MACROD2: variants seen among roughly 807,000 people sequenced by gnomAD.
The protein encoded by MACROD2 is ADP-ribose glycohydrolase MACROD2.
MACROD2 carries 36 observed loss-of-function variants against 70.4 expected under a neutral mutation model. That is an observed-to-expected ratio of 0.51 (90% CI 0.39 to 0.68). The LOEUF (loss-of-function observed/expected upper bound fraction) is 0.68, where lower values mean the gene tolerates loss of function less well. Ranked by LOEUF, MACROD2 falls within the 30% of genes least tolerant of loss-of-function variation. MACROD2 has a pLI of 0.00. For missense variants in MACROD2, 496 were observed against 538.4 expected, an observed-to-expected ratio of 0.92 and a Z score of 0.78; for synonymous variants, 172 against 178.8, an observed-to-expected ratio of 0.96 and a Z score of 0.30.
chr20:14,596,065 A>G (rs1421766316), intron 4 of MACROD2, among the ~76,000 whole-genome samples: 1 of 151,892 alleles, frequency 6.6e-6, no homozygotes, highest in Non-Finnish European at 1.5e-5. Context: ...ACATACACCC[A>G]CACACATTTA....
At chr20:15,117,612 G>A (rs1217117558) in intron 5 of MACROD2, among the ~76,000 whole-genome samples, 2 of 152,156 alleles carry the variant, frequency 1.3e-5, no homozygotes, top group Admixed American at 6.5e-5. Context: ...AGATTTGATT[G>A]AGTCTTGAGC....
intron 9 of MACROD2, 152 bp from the exon 10 acceptor site, chr20:15,885,612 A>G: frequency 1.6e-6 from 1 of 626,132 alleles, no homozygotes; most frequent in South Asian, 3.7e-5. Flanking sequence ...TAGCATGATA[A>G]TAATAAGACA....
intron 5 of MACROD2, among the ~76,000 whole-genome samples, chr20:14,942,586 C>T (rs982006843): frequency 2.5e-4 from 38 of 152,274 alleles, no homozygotes; most frequent in African/African-American, 8.2e-4. Context: ...CGTAACAAAT[C>T]AAGTGGCTGC....
In MACROD2 at chr20:14,686,726, C is replaced by T. The variant is rs191849718; in HGVS notation, c.418+1767C>T. On this transcript the variant is annotated intron_variant, in intron 5 of 17. Transcript: ENST00000684519. ...GTAAGTATACCCTATGATTACATAA[C>T]GATGAAATCACCTAAGGAGTCACTT... 5.4e-4 allele frequency among the ~76,000 whole-genome samples: 82 copies of T among 152,176 alleles called. No individual in the cohort carries two copies. The Middle Eastern group carries it at 0.01, about 19-fold the overall frequency.
intron 3 of MACROD2, among the ~76,000 whole-genome samples, chr20:14,385,681 A>G (rs765306573): frequency 2.0e-4 from 31 of 152,180 alleles, no homozygotes; most frequent in Admixed American, 5.2e-4. Context: ...TTTCTTTTCC[A>G]TGTTGACCTC....
At chr20:15,252,580 C>A (rs2077165332) in intron 6 of MACROD2, among the ~76,000 whole-genome samples, 1 of 152,182 alleles carries the variant, frequency 6.6e-6, no homozygotes, top group Non-Finnish European at 1.5e-5. Flanking sequence ...GCCATACCTA[C>A]ATTGAACAGG....
intron 4 of MACROD2, among the ~76,000 whole-genome samples, chr20:14,681,636 G>A (rs1600533431): frequency 1.3e-5 from 2 of 152,126 alleles, no homozygotes; most frequent in South Asian, 4.1e-4. Context: ...TGGGTTCAGG[G>A]AAAGGTTTTG....
At chr20:14,490,307 A>G (rs890771456) in intron 3 of MACROD2, among the ~76,000 whole-genome samples, 2 of 152,224 alleles carry the variant, frequency 1.3e-5, no homozygotes, top group African/African-American at 2.4e-5. Context: ...ACACTATCAA[A>G]TTAGCTTCAG....
chr20:14,082,808 G>A (rs144253726), intron 2 of MACROD2, among the ~76,000 whole-genome samples: 15 of 152,110 alleles, frequency 9.9e-5, no homozygotes, highest in East Asian at 1.9e-4. Flanking sequence ...ATATCCATTT[G>A]TCTCTGACAA....
intron 6 of MACROD2, among the ~76,000 whole-genome samples, chr20:15,239,652 C>T (rs2077043518): frequency 6.6e-6 from 1 of 152,238 alleles, no homozygotes; most frequent in East Asian, 1.9e-4. Flanking sequence ...TTTCCCTGCT[C>T]CCAGTATACT....
chr20:14,126,439 A>G (rs1382226269), intron 3 of MACROD2, among the ~76,000 whole-genome samples: 1 of 152,202 alleles, frequency 6.6e-6, no homozygotes. Context: ...GATTCAACAT[A>G]TGAATTTTGG....
At chr20:15,222,470 A>T (rs2076870570) in intron 5 of MACROD2, among the ~76,000 whole-genome samples, 1 of 152,334 alleles carries the variant, frequency 6.6e-6, no homozygotes, top group South Asian at 2.1e-4. Flanking sequence ...GGTGGTGCTT[A>T]TATAAATTGG....
chr20:14,983,565 CT>C (rs1568911971), intron 5 of MACROD2, among the ~76,000 whole-genome samples: 1 of 152,070 alleles, frequency 6.6e-6, no homozygotes, highest in Non-Finnish European at 1.5e-5. Context: ...GATCTGATGG[CT>C]TTAAAAATGG....
intron 5 of MACROD2, among the ~76,000 whole-genome samples, chr20:14,939,160 C>T (rs2074369014): frequency 1.3e-5 from 2 of 151,834 alleles, no homozygotes; most frequent in South Asian, 4.2e-4. Flanking sequence ...AAATCTTATG[C>T]AAAAAGTCTT....
At chr20:15,204,619 T>C (rs2076685711) in intron 5 of MACROD2, among the ~76,000 whole-genome samples, 2 of 152,202 alleles carry the variant, frequency 1.3e-5, no homozygotes, top group Non-Finnish European at 2.9e-5. Context: ...TCCTGTATGA[T>C]GAAATGAATA....
chr20:15,434,323 A>T (rs1464524827), intron 7 of MACROD2, among the ~76,000 whole-genome samples: 2 of 137,516 alleles, frequency 1.5e-5, no homozygotes, highest in African/African-American at 4.9e-5. Flanking sequence ...ACTCAAACAT[A>T]TCAGCAAGAA....
chr20:14,547,443 G>C, intron 4 of MACROD2: 1 of 210,966 alleles, frequency 4.7e-6, no homozygotes, highest in Non-Finnish European at 1.1e-5. Flanking sequence ...TATTCTTTGA[G>C]CTGTTGTATT....
At chr20:14,210,790 T>C (rs2081564621) in intron 3 of MACROD2, among the ~76,000 whole-genome samples, 1 of 152,162 alleles carries the variant, frequency 6.6e-6, no homozygotes, top group African/African-American at 2.4e-5. Flanking sequence ...AAAGTGTAAC[T>C]CAGTCAAAAG....
At chr20:14,999,721 GT>G (rs910925497) in intron 5 of MACROD2, among the ~76,000 whole-genome samples, 2 of 152,316 alleles carry the variant, frequency 1.3e-5, no homozygotes, top group African/African-American at 4.8e-5. Flanking sequence ...GTTTTTATTA[GT>G]TTTCTTTTTG....
Sources: allele counts gnomAD v4.1 joint callset (sites outside exome capture counted in the v4.1 genomes callset), GRCh38; gene constraint gnomAD v4.1.1; transcripts MANE v1.5; gene names NCBI Gene and HGNC (gene_info 2026-07-23, HGNC 2026-07-21).